Variants in ADCK1 observed in about 807,000 individuals in gnomAD.
ADCK1 encodes aarF domain containing kinase 1.
ADCK1 carries 41 observed loss-of-function variants against 52.3 expected under a neutral mutation model. The observed-to-expected ratio is 0.78, with a 90% CI of 0.61 to 1.02. The LOEUF (loss-of-function observed/expected upper bound fraction) is 1.02, where lower values mean the gene tolerates loss of function less well. ADCK1 is among the 50% of genes least tolerant of loss of function. ADCK1 has a pLI of 0.00. For missense variants in ADCK1, 658 were observed against 679.5 expected (o/e 0.97, Z 0.35); for synonymous variants, 250 against 274.6 (o/e 0.91, Z 0.89).
At position 77,852,899 on chromosome 14, in the gene ADCK1, A is replaced by ATTTTTATGTGTGTG; in HGVS notation, c.220-6176_220-6175insTTTTATGTGTGTGT. On this transcript the variant is annotated intron_variant, in intron 3 of 10. Transcript: ENST00000238561. ...TTTATGTGTGTATATATATATATAT[A>ATTTTTATGTGTGTG]TATATATATTTTTTTTTTTTTTTTT... is the stretch of plus-strand genomic sequence containing the variant. Among the ~76,000 whole-genome samples, 4 of 33,464 alleles carry ATTTTTATGTGTGTG rather than the reference A, an allele frequency of 1.2e-4. 1 individual carries two copies. The highest frequency in any genetic ancestry group is 0.03 in the Middle Eastern group (2 of 66). 22.0% of individuals were successfully genotyped at this position (33,464 alleles called of 152,430 possible).
chr14:77,852,906 TA>T (rs1293736023), intron 3 of ADCK1, among the ~76,000 whole-genome samples: 11 of 48,750 alleles, frequency 2.3e-4, no homozygotes, highest in East Asian at 7.4e-4. Context: ...TATATATATA[TA>T]TTTTTTTTTT....
At chr14:77,812,494 AGT>A (rs3049362) in intron 1 of ADCK1, among the ~76,000 whole-genome samples, 10,735 of 151,818 alleles carry the variant, frequency 0.071, 603 homozygotes, top group East Asian at 0.17. Flanking sequence ...AATATTCCAT[AGT>A]GTGTGTGTGT....
intron 2 of ADCK1, 121 bp from the exon 3 acceptor site, chr14:77,822,314 T>C (rs946767252): frequency 8.1e-6 from 6 of 743,652 alleles, no homozygotes; most frequent in Non-Finnish European, 1.4e-5. Flanking sequence ...ATCTTAGGGG[T>C]GGGACTGGCC....
At chr14:77,925,619 A>C in intron 8 of ADCK1, 145 bp from the exon 9 acceptor site, 8 of 765,482 alleles carry the variant, frequency 1.0e-5, no homozygotes, top group South Asian at 1.8e-5. Context: ...AGCTTCAGGG[A>C]TGGCAGAGCT....
intron 1 of ADCK1, among the ~76,000 whole-genome samples, chr14:77,810,774 G>A (rs1481017461): frequency 1.3e-5 from 2 of 151,214 alleles, no homozygotes; most frequent in Non-Finnish European, 3.0e-5. Flanking sequence ...CTCATGATTT[G>A]CCTGCCTCAG....
intron 7 of ADCK1, among the ~76,000 whole-genome samples, chr14:77,912,450 G>GTGTT (rs2140268724): frequency 6.8e-6 from 1 of 146,170 alleles, no homozygotes; most frequent in East Asian, 1.9e-4. Context: ...GTGTGTGTGT[G>GTGTT]TGTGTGTGTG....
intron 3 of ADCK1, among the ~76,000 whole-genome samples, chr14:77,851,277 C>T (rs2082279471): frequency 6.6e-6 from 1 of 152,004 alleles, no homozygotes; most frequent in African/African-American, 2.4e-5. Flanking sequence ...GCCACCACGC[C>T]TGGCTAATTT....
rs183210969 is a variant in ADCK1, at chr14:77,851,443, G to A, written c.220-7633G>A. Among the ~76,000 whole-genome samples the A allele has an allele frequency of 2.5e-3, 385 of 152,206 alleles. 2 individuals carry two copies. The highest frequency in any genetic ancestry group is 6.8e-3 in the Middle Eastern group (2 of 294). On this transcript the variant is annotated intron_variant, in intron 3 of 10. Coordinates refer to ENST00000238561, the MANE Select transcript of ADCK1 (RefSeq NM_020421.4). The stretch of plus-strand genomic sequence containing the variant: ...ATTTGGGTCTTTTTAAGAGTAGTTT[G>A]ACAATCTCTTACTTTTACTTAGGGT...
intron 1 of ADCK1, among the ~76,000 whole-genome samples, chr14:77,804,833 C>T (rs2081185120): frequency 6.6e-6 from 1 of 152,184 alleles, no homozygotes; most frequent in Admixed American, 6.6e-5. Context: ...ATTCTGGCCA[C>T]ACCTATTACT....
intron 4 of ADCK1, among the ~76,000 whole-genome samples, chr14:77,876,410 G>A (rs2082900208): frequency 1.3e-5 from 2 of 152,260 alleles, no homozygotes; most frequent in Admixed American, 1.3e-4. Context: ...GGTTGATATT[G>A]GGCCCACCTG....
At chr14:77,800,957 T>C (rs1486491899) in intron 1 of ADCK1, among the ~76,000 whole-genome samples, 1 of 152,206 alleles carries the variant, frequency 6.6e-6, no homozygotes, top group Non-Finnish European at 1.5e-5. Flanking sequence ...GGGCTGGATG[T>C]GGTGGCTGAT....
intron 7 of ADCK1, 86 bp downstream of exon 7, chr14:77,908,005 G>A: frequency 9.0e-7 from 1 of 1,108,236 alleles, no homozygotes; most frequent in East Asian, 2.4e-5. Flanking sequence ...TCCAGGTGAG[G>A]CCTCAGAGTC....
intron 3 of ADCK1, among the ~76,000 whole-genome samples, chr14:77,823,533 G>A (rs2081625255): frequency 6.6e-6 from 1 of 151,856 alleles, no homozygotes. Context: ...TCAACATTTT[G>A]CCCATCTTGT....
At chr14:77,878,948 C>G (rs747382654) in intron 4 of ADCK1, among the ~76,000 whole-genome samples, 2 of 151,980 alleles carry the variant, frequency 1.3e-5, no homozygotes, top group Non-Finnish European at 2.9e-5. Flanking sequence ...TGAATGACAG[C>G]TCTACTGGAT....
intron 7 of ADCK1, among the ~76,000 whole-genome samples, chr14:77,918,357 T>G (rs748342799): frequency 6.6e-6 from 1 of 152,212 alleles, no homozygotes; most frequent in Non-Finnish European, 1.5e-5. Context: ...GCAACCCATA[T>G]TTCTGAAGTT....
chr14:77,834,468 G>T (rs777934210), intron 3 of ADCK1, among the ~76,000 whole-genome samples: 8 of 152,144 alleles, frequency 5.3e-5, no homozygotes, highest in Non-Finnish European at 8.8e-5. Flanking sequence ...TCTCTTTCCG[G>T]CTCTTCTCTT....
chr14:77,886,656 CA>C (rs962767801), intron 4 of ADCK1, among the ~76,000 whole-genome samples: 6 of 152,284 alleles, frequency 3.9e-5, no homozygotes, highest in Non-Finnish European at 7.4e-5. Context: ...AGGCTGGGTG[CA>C]GTGGCTCACG....
intron 3 of ADCK1, among the ~76,000 whole-genome samples, chr14:77,837,596 A>C (rs910037326): frequency 1.3e-5 from 2 of 152,216 alleles, no homozygotes; most frequent in African/African-American, 4.8e-5. Context: ...GCAGCTCCTC[A>C]GGCTGTGCCT....
Position 77,933,352 on chromosome 14 carries a change from C to T in ADCK1, c.1533C>T (p.Val511=), listed in dbSNP as rs145934554. The change falls in exon 11 of 11, where the codon GTC becomes GTT. Residue 511 remains valine (V), a synonymous_variant. Coordinates refer to ENST00000238561, the MANE Select transcript of ADCK1 (RefSeq NM_020421.4). ...RVKGLKLADR[V]LALICWLFPA... ...AGGGGTTGAAGCTGGCTGACCGGGT[C>T]TTGGCCCTAATATGCTGGCTGTTCC... is the stretch of plus-strand genomic sequence containing the variant. 133 of 1,614,040 alleles carry T rather than the reference C, an allele frequency of 8.2e-5. No homozygotes were observed. Among genetic ancestry groups the T allele is most frequent in the Middle Eastern group, 8.2e-4 (5 of 6,084 alleles).
Sources: allele counts gnomAD v4.1 joint callset (sites outside exome capture counted in the v4.1 genomes callset), GRCh38; gene constraint gnomAD v4.1.1; transcripts MANE v1.5; gene names NCBI Gene and HGNC (gene_info 2026-07-23, HGNC 2026-07-21).